The following DLC1 variants were observed in gnomAD, a reference collection of about 807,000 sequenced individuals.
DLC1 encodes DLC1 Rho GTPase activating protein.
A neutral mutation model predicts 140.3 loss-of-function variants in DLC1; 54 were observed. The ratio of observed to expected loss-of-function variants is 0.38; its 90% CI spans 0.31 to 0.48. The LOEUF (loss-of-function observed/expected upper bound fraction) is 0.48, where lower values mean the gene tolerates loss of function less well. DLC1 is among the 20% of genes least tolerant of loss of function. The pLI, the probability that DLC1 is intolerant of heterozygous loss-of-function variation, is 0.96. For synonymous variants in DLC1, 986 were observed against 728.1 expected (o/e 1.35, Z -5.70); for missense variants, 2,536 against 1,907.0 (o/e 1.33, Z -6.14).
intron 5 of DLC1, among the ~76,000 whole-genome samples, chr8:13,162,263 A>T (rs1235862028): frequency 1.3e-5 from 2 of 152,144 alleles, no homozygotes. Flanking sequence ...AGAATATCGA[A>T]ATGAAAGCAG....
At chr8:13,603,612 G>A (rs12548653) in intron 1 of DLC1, among the ~76,000 whole-genome samples, 12,270 of 151,884 alleles carry the variant, frequency 0.081, 757 homozygotes, top group Admixed American at 0.18. Flanking sequence ...CATCATAGTG[G>A]CAATTTAAAT....
chr8:13,406,789 T>A (rs929290608), intron 2 of DLC1, among the ~76,000 whole-genome samples: 19 of 152,194 alleles, frequency 1.2e-4, no homozygotes, highest in African/African-American at 4.6e-4. Flanking sequence ...ATACCCTCTT[T>A]AAAGCAGACT....
intron 5 of DLC1, chr8:13,276,432 C>T: frequency 7.0e-7 from 1 of 1,428,818 alleles, no homozygotes; most frequent in Non-Finnish European, 9.1e-7. Flanking sequence ...GCAGCCCGGG[C>T]GCCGCGACCA....
At chr8:13,401,725 A>C in intron 2 of DLC1, 106 bp from the exon 3 acceptor site, 1 of 1,397,302 alleles carries the variant, frequency 7.2e-7, no homozygotes, top group Non-Finnish European at 9.6e-7. Context: ...GATAATAGGC[A>C]GTCTTTAATT....
At chr8:13,401,153 T>C (rs1837276649) in intron 3 of DLC1, among the ~76,000 whole-genome samples, 1 of 152,128 alleles carries the variant, frequency 6.6e-6, no homozygotes, top group Admixed American at 6.6e-5. Flanking sequence ...TAACAGAGTC[T>C]CTCTCGTATC....
At chr8:13,443,004 C>T (rs1798596307) in intron 2 of DLC1, among the ~76,000 whole-genome samples, 2 of 152,054 alleles carry the variant, frequency 1.3e-5, no homozygotes, top group Non-Finnish European at 2.9e-5. Flanking sequence ...CACATATACA[C>T]CATGGAATAC....
At chr8:13,366,492 T>A (rs1384764638) in intron 4 of DLC1, among the ~76,000 whole-genome samples, 1 of 152,090 alleles carries the variant, frequency 6.6e-6, no homozygotes, top group Non-Finnish European at 1.5e-5. Flanking sequence ...CCTTTGAGGA[T>A]AAATAAACCC....
chr8:13,398,889 C>T (rs1837169671), intron 3 of DLC1, among the ~76,000 whole-genome samples: 1 of 152,094 alleles, frequency 6.6e-6, no homozygotes, highest in African/African-American at 2.4e-5. Context: ...AGGTGTGATG[C>T]CGGGACATCT....
intron 10 of DLC1, among the ~76,000 whole-genome samples, chr8:13,097,674 CA>C (rs1818620127): frequency 6.6e-6 from 1 of 152,048 alleles, no homozygotes; most frequent in African/African-American, 2.4e-5. Context: ...TTCCTCCATC[CA>C]AAAATACGAT....
At chr8:13,582,773 G>C (rs6985004) in intron 1 of DLC1, among the ~76,000 whole-genome samples, 39,483 of 149,200 alleles carry the variant, frequency 0.26, 5,925 homozygotes, top group Non-Finnish European at 0.35. Flanking sequence ...TTGTGGATTC[G>C]GTTCTATAAT....
At chr8:13,532,647 T>C (rs960841398) in intron 1 of DLC1, among the ~76,000 whole-genome samples, 2 of 152,158 alleles carry the variant, frequency 1.3e-5, no homozygotes, top group Non-Finnish European at 2.9e-5. Flanking sequence ...TGTGCAGTGG[T>C]GCAATCATTC....
In DLC1 at chr8:13,468,481, A is replaced by G. The variant is rs74302500; in HGVS notation, c.1023+30568T>C. Among the ~76,000 whole-genome samples the G allele has an allele frequency of 4.6e-5, 7 of 151,186 alleles. No homozygotes were observed. The East Asian group carries it at 1.2e-3, about 26-fold the overall frequency. ...CTGTGGCCTTGAACACCTGGTCTCT[A>G]ACAATCCACCACCTCCCAGATAGCT... On this transcript the variant is annotated intron_variant, in intron 2 of 17. Coordinates refer to ENST00000276297, the MANE Select transcript of DLC1 (RefSeq NM_182643.3).
chr8:13,505,805 A>G (rs1307211989), intron 1 of DLC1, among the ~76,000 whole-genome samples: 4 of 152,218 alleles, frequency 2.6e-5, no homozygotes, highest in Non-Finnish European at 4.4e-5. Flanking sequence ...AATTTGGAAC[A>G]GGTATTCTTA....
At position 13,092,737 on chromosome 8, in the gene DLC1, A is replaced by C; in HGVS notation, c.3615T>G (p.Leu1205=). Residue 1205 remains leucine, a synonymous_variant, in exon 13 of 18, where the codon CTT becomes CTG. Coordinates refer to ENST00000276297, the MANE Select transcript of DLC1 (RefSeq NM_182643.3). ...DENREVLQTL[L]YFLSDVTAAV... is the part of the protein sequence containing the mutation. ...CTGCTGTGACATCGCTCAGGAAATAAAGCAGGGTCTGCAGAACCTCCCGGT... is the reference window on the plus strand; with the variant it reads ...CTGCTGTGACATCGCTCAGGAAATACAGCAGGGTCTGCAGAACCTCCCGGT... The C allele has an allele frequency of 1.2e-6, 2 of 1,614,144 alleles. No homozygotes were observed. The highest frequency in any genetic ancestry group is 1.7e-6 in the Non-Finnish European group (2 of 1,180,028).
chr8:13,405,897 CTT>C (rs1408726842), intron 2 of DLC1, among the ~76,000 whole-genome samples: 3 of 97,432 alleles, frequency 3.1e-5, no homozygotes, highest in African/African-American at 1.1e-4. Context: ...TTCTTTCTTT[CTT>C]TTTCTTTCTT....
At position 13,100,574 on chromosome 8, in the gene DLC1, C is replaced by T. The variant is rs762870802; in HGVS notation, c.1763G>A (p.Arg588His). The change falls in exon 9 of 18, where the codon CGC becomes CAC. Residue 588 changes from arginine (R) to histidine (H), a missense_variant. Arg to His is a conservative substitution (Grantham distance 29). Transcript: ENST00000276297. ...GCTGCGGACGGAAGACACCTCCTGG[C>T]GCTCGCTGAGGTCCATCAGCGTGCC... ...PGGTLMDLSE[R>H]QEVSSVRSLS... 33 of 1,613,494 alleles carry T rather than the reference C, an allele frequency of 2.0e-5. No individual in the cohort carries two copies. The highest frequency in any genetic ancestry group is 1.5e-4 in the South Asian group (14 of 91,012).
At chr8:13,529,765 G>A (rs1315787769) in intron 1 of DLC1, among the ~76,000 whole-genome samples, 2 of 152,164 alleles carry the variant, frequency 1.3e-5, no homozygotes, top group African/African-American at 4.8e-5. Flanking sequence ...CAATGGGGAA[G>A]TCACAGTCAA....
In DLC1 at chr8:13,179,386, G is replaced by C. The variant is rs372838134; in HGVS notation, c.1349-63729C>G. Among the ~76,000 whole-genome samples the C allele has an allele frequency of 3.9e-5, 6 of 152,014 alleles. No homozygotes were observed. In the East Asian group the frequency reaches 1.2e-3, roughly 29 times the overall value. On this transcript the variant is annotated intron_variant, in intron 5 of 17. Transcript: ENST00000276297. ...TTAACCCTAACCCTAAAAATTTATC[G>C]GGCTGTACACTTACACATGCACTGT... is the stretch of plus-strand genomic sequence containing the variant.
chr8:13,372,696 A>G (rs1251604827), intron 4 of DLC1, among the ~76,000 whole-genome samples: 1 of 152,208 alleles, frequency 6.6e-6, no homozygotes, highest in African/African-American at 2.4e-5. Flanking sequence ...TTGATAGTGG[A>G]AAGTTCAAGG....
Sources: allele counts gnomAD v4.1 joint callset (sites outside exome capture counted in the v4.1 genomes callset), GRCh38; gene constraint gnomAD v4.1.1; transcripts MANE v1.5; gene names NCBI Gene and HGNC (gene_info 2026-07-23, HGNC 2026-07-21).